The following ADAM8 variants were observed in gnomAD, a reference collection of about 807,000 sequenced individuals.
The protein encoded by ADAM8 is disintegrin and metalloproteinase domain-containing protein 8.
In ADAM8, 104 loss-of-function variants were observed where a neutral mutation model predicts 102.4. The observed-to-expected ratio is 1.02, with a 90% CI of 0.87 to 1.20. The LOEUF is 1.20. ADAM8 is among the 50% of genes most tolerant of loss of function. The pLI is 0.00. For missense variants in ADAM8, 1,132 were observed against 1,159.0 expected (o/e 0.98, Z 0.34); for synonymous variants, 517 against 485.2 (o/e 1.07, Z -0.86).
chr10:133,273,061 CG>C, intron 6 of ADAM8, 42 bp from the exon 7 acceptor site: 1 of 1,612,410 alleles, frequency 6.2e-7, no homozygotes, highest in South Asian at 1.1e-5. Flanking sequence ...TTCCCAGCGC[CG>C]GGGCCTGGAC....
At chr10:133,270,648 G>T in intron 15 of ADAM8, 88 bp downstream of exon 15, 1 of 1,539,338 alleles carries the variant, frequency 6.5e-7, no homozygotes. Flanking sequence ...GACCCTCATG[G>T]GAGCAGGACC....
At position 133,273,802 on chromosome 10, in the gene ADAM8, G is replaced by T; in HGVS notation, c.343C>A (p.Pro115Thr). 1 of 1,549,174 alleles carries T rather than the reference G, an allele frequency of 6.5e-7. No individual in the cohort carries two copies. The highest frequency in any genetic ancestry group is 2.4e-5 in the East Asian group (1 of 40,902). The part of the protein sequence containing the change: ...CFYQGHVEGY[P>T]DSAASLSTCA... ...GTGCTGAGGCTGGCGGCTGAGTCCG[G>T]GTACCCCTCTACGTGGCCCTGGTAG... Residue 115 changes from proline (P) to threonine (T), a missense_variant, in exon 5 of 23, where the codon CCG becomes ACG. Transcript: ENST00000445355.
At chr10:133,269,634 G>A in intron 17 of ADAM8, 105 bp from the exon 18 acceptor site, 1 of 1,211,416 alleles carries the variant, frequency 8.3e-7, no homozygotes, top group Non-Finnish European at 1.1e-6. Flanking sequence ...ACCCCCGAGG[G>A]CCCCTCGGTC....
In ADAM8 at chr10:133,271,593, C is replaced by A; in HGVS notation, c.1219G>T (p.Gly407Cys). Reference sequence around the variant, plus strand: ...AACAGGTTCCCACACACGGGGCCGCCCACCAGGTGGCTGAGGTCAGGGGCG... The same window carrying A: ...AACAGGTTCCCACACACGGGGCCGCACACCAGGTGGCTGAGGTCAGGGGCG... ...ANAPDLSHLV[G>C]GPVCGNLFVE... The change falls in exon 12 of 23, where the codon GGC becomes TGC. Residue 407 changes from glycine to cysteine, a missense_variant. By Grantham distance (159) the Gly-to-Cys change is radical (BLOSUM62 -3). Coordinates refer to ENST00000445355, the MANE Select transcript of ADAM8 (RefSeq NM_001109.5). 2 of 1,558,118 alleles carry A rather than the reference C, an allele frequency of 1.3e-6. No homozygotes were observed. Among genetic ancestry groups the A allele is most frequent in the Non-Finnish European group, 1.7e-6 (2 of 1,151,104 alleles).
At chr10:133,263,630 G>GGGAGGCCGTGCCACTGTCAGCCCCGTGA in intron 22 of ADAM8, 58 bp downstream of exon 22, 1 of 1,482,040 alleles carries the variant, frequency 6.7e-7, no homozygotes, top group Non-Finnish European at 9.0e-7. Flanking sequence ...CAGCCCCGTG[G>GGGAGGCCGTGCCACTGTCAGCCCCGTGA]GGAGGCCGTG....
At position 133,271,141 on chromosome 10, in the gene ADAM8, G is replaced by T. The variant is rs1358983495; in HGVS notation, c.1374+59C>A. 7 of 1,594,264 alleles carry T rather than the reference G, an allele frequency of 4.4e-6. No homozygotes were observed. The African/African-American group carries it at 9.4e-5, about 21-fold the overall frequency. ...GCTGCCTGGTCCCTGGTGCCCCAGGGTCCCTTCCCACCTGCCAGCCATGGG... is the reference window on the plus strand; with the variant it reads ...GCTGCCTGGTCCCTGGTGCCCCAGGTTCCCTTCCCACCTGCCAGCCATGGG... On this transcript the variant is annotated intron_variant, in intron 13 of 22. Coordinates refer to ENST00000445355, the MANE Select transcript of ADAM8 (RefSeq NM_001109.5).
chr10:133,264,854 T>C lies in ADAM8; in HGVS notation c.2320-1089A>G, dbSNP rs59275165. ...GGCTCCTGCTGCAGCCTCTGCCCCA[T>C]CTACCTCCACGCCTGTTCCTGCTGC... On this transcript the variant is annotated intron_variant, in intron 21 of 22. Coordinates refer to ENST00000445355, the MANE Select transcript of ADAM8 (RefSeq NM_001109.5). Among the ~76,000 whole-genome samples, 714 of 139,702 alleles carry C rather than the reference T, an allele frequency of 5.1e-3. 7 individuals carry two copies. The highest frequency in any genetic ancestry group is 0.018 in the African/African-American group (667 of 36,512). 91.6% of individuals were successfully genotyped at this position (139,702 alleles called of 152,430 possible). A position where few individuals can be genotyped will look rare whatever the true frequency, so the allele number is the denominator to read the frequency against.
At chr10:133,265,091 A>G (rs946767209) in intron 21 of ADAM8, among the ~76,000 whole-genome samples, 1 of 136,484 alleles carries the variant, frequency 7.3e-6, no homozygotes, top group Non-Finnish European at 1.6e-5. Context: ...CCTCTGCCCC[A>G]TCTACCTCCA....
chr10:133,270,786 C>T lies in ADAM8; in HGVS notation c.1584G>A (p.Glu528=). Residue 528 remains glutamate (E), a synonymous_variant, in exon 15 of 23, where the codon GAG becomes GAA. Transcript: ENST00000445355. ...GTAGGATGTCATAGGAGAAGCAGGACTCCTCGGCAGCCTGCCCACCTGTGG... is the reference window on the plus strand; with the variant it reads ...GTAGGATGTCATAGGAGAAGCAGGATTCCTCGGCAGCCTGCCCACCTGTGG... The part of the protein sequence containing the change: ...FWGPGGQAAE[E]SCFSYDILPG... The T allele has an allele frequency of 6.2e-7, 1 of 1,606,706 alleles. No individual in the cohort carries two copies. Among genetic ancestry groups the T allele is most frequent in the Non-Finnish European group, 8.5e-7 (1 of 1,176,058 alleles).
intron 22 of ADAM8, 64 bp downstream of exon 22, chr10:133,263,624 C>CCCGTGGGGAGGCCGTGCCACTGTCAGCA: frequency 2.0e-6 from 3 of 1,472,084 alleles, no homozygotes; most frequent in Admixed American, 2.4e-5. Context: ...CACCGTCAGC[C>CCCGTGGGGAGGCCGTGCCACTGTCAGCA]CCGTGGGGAG....
intron 21 of ADAM8, among the ~76,000 whole-genome samples, chr10:133,264,481 A>C (rs1171149575): frequency 6.6e-6 from 1 of 152,194 alleles, no homozygotes; most frequent in Non-Finnish European, 1.5e-5. Context: ...CTGGATGTCC[A>C]CCACACAGAG....
intron 7 of ADAM8, 29 bp downstream of exon 7, chr10:133,272,928 C>T (rs1846599493): frequency 6.2e-7 from 1 of 1,612,468 alleles, no homozygotes; most frequent in Non-Finnish European, 8.5e-7. Context: ...CCGCCGGCTG[C>T]TCTCCCACCT....
At chr10:133,274,313 T>G in intron 2 of ADAM8, 78 bp from the exon 3 acceptor site, 1 of 1,329,766 alleles carries the variant, frequency 7.5e-7, no homozygotes, top group Non-Finnish European at 1.0e-6. Flanking sequence ...CCAGAGAAGC[T>G]CAGCTGGGGG....
In ADAM8 at chr10:133,273,445, T is replaced by C. The variant is rs996554073; in HGVS notation, c.384-2A>G. ...TCTGACCCCACCTGGAAGAAACCCC[T>C]GAGGGGAGTGGGAGCCGGGTGTGCT... is the stretch of plus-strand genomic sequence containing the variant. On this transcript the variant is annotated splice_acceptor_variant, in intron 5 of 22. Coordinates refer to ENST00000445355, the MANE Select transcript of ADAM8 (RefSeq NM_001109.5). LOFTEE classifies it high-confidence loss of function. The C allele has an allele frequency of 2.0e-6, 3 of 1,533,514 alleles. No homozygotes were observed. Among genetic ancestry groups the C allele is most frequent in the Admixed American group, 2.0e-5 (1 of 49,912 alleles). The allele number at this position is 1,533,514 out of a possible 1,614,324, so 95.0% of individuals were successfully genotyped here. A position where few individuals can be genotyped will look rare whatever the true frequency, so the allele number is the denominator to read the frequency against.
intron 7 of ADAM8, 35 bp from the exon 8 acceptor site, chr10:133,272,901 CA>C: frequency 6.2e-7 from 1 of 1,611,028 alleles, no homozygotes; most frequent in South Asian, 1.1e-5. Flanking sequence ...GGAGCCCACA[CA>C]CCCCCCATGC....
At position 133,272,563 on chromosome 10, in the gene ADAM8, C is replaced by G. The variant is rs773338736; in HGVS notation, c.728G>C (p.Arg243Pro). 1 of 1,610,838 alleles carries G rather than the reference C, an allele frequency of 6.2e-7. No homozygotes were observed. Among genetic ancestry groups the G allele is most frequent in the Non-Finnish European group, 8.5e-7 (1 of 1,179,258 alleles). Residue 243 changes from arginine to proline, a missense_variant, in exon 9 of 23, where the codon CGT becomes CCT. Coordinates refer to ENST00000445355, the MANE Select transcript of ADAM8 (RefSeq NM_001109.5). ...VDKLYQKLNFRVVLVGLEIWN... is the reference protein window; with the variant it reads ...VDKLYQKLNFPVVLVGLEIWN... The stretch of plus-strand genomic sequence containing the variant: ...AATCTCCAGGCCCACCAGGACCACA[C>G]GGAAGTTGAGTTTCTGATATAGCTG...
At chr10:133,274,130 G>C (rs781748637) in intron 3 of ADAM8, 29 bp downstream of exon 3, 3 of 1,583,502 alleles carry the variant, frequency 1.9e-6, no homozygotes, top group Non-Finnish European at 2.6e-6. Context: ...CCAGGCCCGG[G>C]CAGGGGGGCC....
rs1424266099 is a variant in ADAM8 at position 133,275,804 on chromosome 10, CCA to C, written c.47-219_47-218del. ...CCGGTGGGCCTGTGTCCTGCAGCAC[CCA>C]CACACAGTGCTCAGAGACGCTGTGG... is the stretch of plus-strand genomic sequence containing the variant. On this transcript the variant is annotated intron_variant, in intron 1 of 22. Transcript: ENST00000445355. The C allele has an allele frequency of 2.4e-5, 12 of 497,898 alleles. No individual in the cohort carries two copies. The East Asian group carries it at 4.3e-4, about 18-fold the overall frequency. The allele number at this position is 497,898 out of a possible 1,614,324, so 30.8% of individuals were successfully genotyped here. A position where few individuals can be genotyped will look rare whatever the true frequency, so the allele number is the denominator to read the frequency against.
At position 133,272,696 on chromosome 10, in the gene ADAM8, G is replaced by A. The variant is rs529168738; in HGVS notation, c.705+102C>T. 5.2e-6 allele frequency: 8 copies of A among 1,535,798 alleles called. No homozygotes were observed. In the South Asian group the frequency reaches 8.6e-5, roughly 16 times the overall value. On this transcript the variant is annotated intron_variant, in intron 8 of 22. Transcript: ENST00000445355. ...CACGGCGAGGTGGGGCCAGGCACAG[G>A]TGCGGGGCAGAGCTGGAGCAGGTGG...
Sources: gnomAD v4.1 joint callset for allele counts (sites outside exome capture counted in the v4.1 genomes callset) on GRCh38, gnomAD v4.1.1 for gene constraint, MANE v1.5 for transcripts, NCBI Gene and HGNC (gene_info 2026-07-23, HGNC 2026-07-21) for gene names.